Variants in IMMP2L observed in about 807,000 individuals in gnomAD.
IMMP2L encodes inner mitochondrial membrane peptidase subunit 2.
In IMMP2L, 18 loss-of-function variants were observed where a neutral mutation model predicts 19.3. That is an observed-to-expected ratio of 0.93 (90% CI 0.64 to 1.38). IMMP2L has a LOEUF of 1.38. Ranked by LOEUF, IMMP2L falls within the 40% of genes most tolerant of loss-of-function variation. IMMP2L has a pLI of 0.00. For missense variants in IMMP2L, 233 were observed against 218.2 expected, an observed-to-expected ratio of 1.07 and a Z score of -0.43; for synonymous variants, 76 against 73.0, an observed-to-expected ratio of 1.04 and a Z score of -0.21.
intron 3 of IMMP2L, among the ~76,000 whole-genome samples, chr7:111,343,369 C>T (rs1305508671): frequency 1.3e-5 from 2 of 152,072 alleles, no homozygotes; most frequent in African/African-American, 4.8e-5. Flanking sequence ...GATCCAACTT[C>T]AACTCCTCTT....
chr7:111,016,314 GA>G (rs35972246), intron 3 of IMMP2L, among the ~76,000 whole-genome samples: 2 of 142,866 alleles, frequency 1.4e-5, no homozygotes, highest in Admixed American at 7.2e-5. Flanking sequence ...TGTCAAACTT[GA>G]AAAAAAGTCC....
intron 3 of IMMP2L, among the ~76,000 whole-genome samples, chr7:111,273,475 T>G (rs1818695618): frequency 6.6e-6 from 1 of 151,908 alleles, no homozygotes; most frequent in East Asian, 1.9e-4. Context: ...ACATCATACA[T>G]AATAATAAAC....
At chr7:111,528,386 C>T (rs1847083199) in intron 1 of IMMP2L, among the ~76,000 whole-genome samples, 1 of 152,150 alleles carries the variant, frequency 6.6e-6, no homozygotes, top group African/African-American at 2.4e-5. Context: ...CACTGAGGTT[C>T]AAAACACTGC....
chr7:111,299,014 G>C (rs1047802081), intron 3 of IMMP2L, among the ~76,000 whole-genome samples: 1 of 151,982 alleles, frequency 6.6e-6, no homozygotes, highest in African/African-American at 2.4e-5. Flanking sequence ...ACAGTCAAAA[G>C]GCACAACTAT....
chr7:111,208,200 A>G (rs1482092284), intron 3 of IMMP2L, among the ~76,000 whole-genome samples: 1 of 152,196 alleles, frequency 6.6e-6, no homozygotes, highest in Non-Finnish European at 1.5e-5. Flanking sequence ...ACCATATCCA[A>G]TATGTTGCTA....
At chr7:111,358,388 A>T (rs1828927067) in intron 3 of IMMP2L, among the ~76,000 whole-genome samples, 1 of 151,908 alleles carries the variant, frequency 6.6e-6, no homozygotes, top group Admixed American at 6.6e-5. Context: ...ATCTTCAGTA[A>T]GCAGCAATGC....
chr7:111,053,903 T>C (rs566131264), intron 3 of IMMP2L, among the ~76,000 whole-genome samples: 1 of 152,350 alleles, frequency 6.6e-6, no homozygotes, highest in East Asian at 1.9e-4. Context: ...TTATATTTAT[T>C]ATTTTAATTC....
intron 5 of IMMP2L, among the ~76,000 whole-genome samples, chr7:110,670,346 C>T (rs951374995): frequency 6.6e-6 from 1 of 152,102 alleles, no homozygotes; most frequent in African/African-American, 2.4e-5. Flanking sequence ...CCACAATCTG[C>T]GGTATTTTGT....
chr7:111,524,684 AG>A (rs933333918), intron 1 of IMMP2L, among the ~76,000 whole-genome samples: 2 of 151,996 alleles, frequency 1.3e-5, no homozygotes, highest in Non-Finnish European at 2.9e-5. Context: ...AAATGAAAAC[AG>A]GGGAAAAGTT....
chr7:111,175,236 C>A (rs1022870048), intron 3 of IMMP2L, among the ~76,000 whole-genome samples: 5 of 151,780 alleles, frequency 3.3e-5, no homozygotes, highest in African/African-American at 9.7e-5. Context: ...AAAGGTCTTA[C>A]AATAACAGGC....
intron 5 of IMMP2L, among the ~76,000 whole-genome samples, chr7:110,704,989 A>G (rs189564850): frequency 1.3e-5 from 2 of 152,310 alleles, no homozygotes; most frequent in Admixed American, 1.3e-4. Flanking sequence ...ATATTATATA[A>G]CTGAATGATA....
At chr7:110,755,863 T>A (rs1798009454) in intron 5 of IMMP2L, among the ~76,000 whole-genome samples, 1 of 152,042 alleles carries the variant, frequency 6.6e-6, no homozygotes, top group Non-Finnish European at 1.5e-5. Flanking sequence ...ACTAGTACTG[T>A]AGTTTGGTAT....
Position 111,123,507 on chromosome 7 carries a change from T to C in IMMP2L, c.240-159942A>G, listed in dbSNP as rs214865. 0.039 allele frequency: 62,195 copies of C among 1,613,728 alleles called. 3,654 individuals carry two copies. Among genetic ancestry groups the C allele is most frequent in the African/African-American group, 0.28 (21,135 of 74,900 alleles). On this transcript the variant is annotated intron_variant, in intron 3 of 5. Transcript: ENST00000405709. This position sits in a 1 kb window ranked among gnomAD's most constrained non-coding sequence, Gnocchi z 6.4. The stretch of plus-strand genomic sequence containing the variant: ...ACTTAGAAAGCATCTCTTTTTACGA[T>C]AACAGGCTTATTAAAGTACCCCATG...
intron 4 of IMMP2L, among the ~76,000 whole-genome samples, chr7:110,892,422 G>A (rs1421926737): frequency 2.0e-5 from 3 of 151,878 alleles, no homozygotes; most frequent in African/African-American, 4.8e-5. Flanking sequence ...TAAAAAGAAG[G>A]GTATAAAATG....
chr7:110,748,327 G>T (rs1797496775), intron 5 of IMMP2L, among the ~76,000 whole-genome samples: 1 of 152,100 alleles, frequency 6.6e-6, no homozygotes, highest in Admixed American at 6.6e-5. Context: ...ACTGCCCTAA[G>T]TAATTTATAG....
chr7:111,292,558 C>T (rs1235980595), intron 3 of IMMP2L, among the ~76,000 whole-genome samples: 1 of 151,774 alleles, frequency 6.6e-6, no homozygotes, highest in African/African-American at 2.4e-5. Flanking sequence ...GGCATCCTAG[C>T]CTGGTTCAAA....
chr7:111,188,400 T>C (rs1808502352), intron 3 of IMMP2L, among the ~76,000 whole-genome samples: 1 of 152,072 alleles, frequency 6.6e-6, no homozygotes, highest in African/African-American at 2.4e-5. Flanking sequence ...GACTGACCTC[T>C]TCTCATTGTT....
At chr7:110,962,746 T>C in intron 4 of IMMP2L, 1 of 1,061,000 alleles carries the variant, frequency 9.4e-7, no homozygotes, top group Non-Finnish European at 1.1e-6. Flanking sequence ...GATTAGTTAA[T>C]ATGTGTACTA....
intron 3 of IMMP2L, among the ~76,000 whole-genome samples, chr7:111,384,338 G>A (rs560535833): frequency 5.4e-4 from 82 of 151,732 alleles, no homozygotes; most frequent in African/African-American, 1.9e-3. Flanking sequence ...GGGAGGAGGA[G>A]GATGAGGAAG....
Sources: gnomAD v4.1 joint callset for allele counts (sites outside exome capture counted in the v4.1 genomes callset) on GRCh38, gnomAD v4.1.1 for gene constraint, Gnocchi (gnomAD v3.1) non-coding constraint, MANE v1.5 for transcripts, NCBI Gene and HGNC (gene_info 2026-07-23, HGNC 2026-07-21) for gene names.